The following PTX4 variants were observed in gnomAD, a reference collection of about 807,000 sequenced individuals.
PTX4 encodes pentraxin 4.
A neutral mutation model predicts 19.1 loss-of-function variants in PTX4; 23 were observed. The observed-to-expected ratio is 1.20, with a 90% confidence interval of 0.87 to 1.70. The LOEUF is 1.70. Among genes scored for constraint, PTX4 ranks in the 40% most tolerant of loss-of-function variants. The probability of loss-of-function intolerance (pLI) is 0.00; values close to 1 mark genes in which losing one functional copy is unlikely to be tolerated. For synonymous variants in PTX4, 317 were observed against 279.6 expected (o/e 1.13, Z -1.33); for missense variants, 678 against 610.5 (o/e 1.11, Z -1.17).
intron 1 of PTX4, 59 bp from the exon 2 acceptor site, chr16:1,488,029 G>T (rs149489539): frequency 0.012 from 18,296 of 1,494,268 alleles, 136 homozygotes; most frequent in Non-Finnish European, 0.015. Flanking sequence ...GGGCGGGACG[G>T]GAAAGGCTTT....
chr16:1,488,335 G>T, intron 1 of PTX4: 1 of 1,612,186 alleles, frequency 6.2e-7, no homozygotes, highest in South Asian at 1.1e-5. Context: ...GCCCAAACAG[G>T]AAGCACCCAG....
In PTX4 at chr16:1,487,444, G is replaced by T; in HGVS notation, c.668C>A (p.Pro223Gln). The stretch of plus-strand genomic sequence containing the variant: ...TTGGAGAGGGGCCGAGGAGTCCTGT[G>T]GGGGGCCCCTGTGCTCAGAGGCAGC... Reference protein sequence around the residue: ...LRAASEHRGPPQDSSAPLQGR... With the variant: ...LRAASEHRGPQQDSSAPLQGR... Residue 223 changes from proline to glutamine, a missense_variant, in exon 2 of 3, where the codon CCA (proline) becomes CAA (glutamine). Coordinates refer to ENST00000447419, the MANE Select transcript of PTX4 (RefSeq NM_001328608.2). The T allele has an allele frequency of 1.3e-6, 2 of 1,515,270 alleles. No homozygotes were observed. Among genetic ancestry groups the T allele is most frequent in the Non-Finnish European group, 1.8e-6 (2 of 1,134,140 alleles). 93.9% of individuals were successfully genotyped at this position (1,515,270 alleles called of 1,614,324 possible). A position where few individuals can be genotyped will look rare whatever the true frequency, so the allele number is the denominator to read the frequency against.
chr16:1,487,881 C>T lies in PTX4; in HGVS notation c.231G>A (p.Arg77=), dbSNP rs1346298997. The T allele has an allele frequency of 6.2e-7, 1 of 1,612,976 alleles. No homozygotes were observed. The change falls in exon 2 of 3, where the codon CGG becomes CGA. Residue 77 remains arginine (R), a synonymous_variant. Coordinates refer to ENST00000447419, the MANE Select transcript of PTX4 (RefSeq NM_001328608.2). ...CAGCCTGGCTCTCTTCCGCCAGGCT[C>T]CGGAACCGGACGTCAACGTTGTAGG... ...NVSYNVDVRF[R]SLAEESQAVA...
In PTX4 at chr16:1,487,947, G is replaced by C. The variant is rs2039265429; in HGVS notation, c.165C>G (p.Thr55=). ...TGGCGATGTTCTGCAGGTGTGTCCA[G>C]GTCACCTCCTGGAATCTCCGGAACT... The part of the protein sequence containing the change: ...EEQFRRFQEV[T]WTHLQNIASN... The change falls in exon 2 of 3, where the codon ACC becomes ACG. Residue 55 remains threonine, a synonymous_variant. Transcript: ENST00000447419. 1 of 1,593,876 alleles carries C rather than the reference G, an allele frequency of 6.3e-7. No homozygotes were observed. The highest frequency in any genetic ancestry group is 8.6e-7 in the Non-Finnish European group (1 of 1,167,210).
rs2039253795 is a variant in PTX4 at position 1,487,224 on chromosome 16, G to A, written c.796+92C>T. ...TCTCCCCATCTCCCGGCCCCTAACTGAACCTCTTTTGAGAAGCCTTTTCCA... is the reference window on the plus strand; with the variant it reads ...TCTCCCCATCTCCCGGCCCCTAACTAAACCTCTTTTGAGAAGCCTTTTCCA... On this transcript the variant is annotated intron_variant, in intron 2 of 2. Coordinates refer to ENST00000447419, the MANE Select transcript of PTX4 (RefSeq NM_001328608.2). 3 of 1,273,474 alleles carry A rather than the reference G, an allele frequency of 2.4e-6. No individual in the cohort carries two copies. In the East Asian group the frequency reaches 8.3e-5, roughly 35 times the overall value. The allele number at this position is 1,273,474 out of a possible 1,614,324, so 78.9% of individuals were successfully genotyped here. A position where few individuals can be genotyped will look rare whatever the true frequency, so the allele number is the denominator to read the frequency against.
Position 1,486,566 on chromosome 16 carries a change from G to C in PTX4, c.810C>G (p.Gly270=), listed in dbSNP as rs1694808616. The C allele has an allele frequency of 3.2e-6, 5 of 1,547,116 alleles. 1 individual carries two copies. The highest frequency in any genetic ancestry group is 4.0e-5 in the Admixed American group (2 of 49,796). ...AGGCGTTTGGGAAAACGAGGGTGGG[G>C]CCCACGCCGCAAACTAGAAACAGAG... The part of the protein sequence containing the change: ...PQVPGEICGV[G]PTLVFPNAST... Residue 270 remains glycine, a synonymous_variant, in exon 3 of 3, where the codon GGC becomes GGG. Coordinates refer to ENST00000447419, the MANE Select transcript of PTX4 (RefSeq NM_001328608.2).
chr16:1,488,894 T>C lies in PTX4; in HGVS notation c.16A>G (p.Arg6Gly). The change falls in exon 1 of 3, where the codon AGG becomes GGG. Residue 6 changes from arginine to glycine, a missense_variant. Transcript: ENST00000447419. MGCSW[R>G]KTLSFFLVFV... ...ACAAGGAAGAAAGACAAGGTCTTCC[T>C]CCACGAGCAACCCATCCGGAGAGAC... The C allele has an allele frequency of 1.4e-6, 1 of 700,020 alleles. No homozygotes were observed. The highest frequency in any genetic ancestry group is 2.6e-6 in the Non-Finnish European group (1 of 382,668). The allele number at this position is 700,020 out of a possible 1,614,324, so 43.4% of individuals were successfully genotyped here.
rs762750872 is a variant in PTX4 at position 1,487,313 on chromosome 16, T to TA, written c.796+2dup. On this transcript the variant is annotated splice_region_variant and intron_variant, in intron 2 of 2. Transcript: ENST00000447419. ...CCGTGAGCTGGGAGCCTGTGGTACT[T>TA]ACTCTCTCCTGGCACCTGGGGGGAC... 2 of 1,529,460 alleles carry TA rather than the reference T, an allele frequency of 1.3e-6. No homozygotes were observed. Among genetic ancestry groups the TA allele is most frequent in the Non-Finnish European group, 1.7e-6 (2 of 1,145,298 alleles). The allele number at this position is 1,529,460 out of a possible 1,614,324, so 94.7% of individuals were successfully genotyped here.
rs1030250733 is a variant in PTX4 at position 1,487,455 on chromosome 16, G to A, written c.657C>T (p.His219=). 3 of 1,509,756 alleles carry A rather than the reference G, an allele frequency of 2.0e-6. No individual in the cohort carries two copies. The highest frequency in any genetic ancestry group is 1.3e-5 in the South Asian group (1 of 74,662). The allele number at this position is 1,509,756 out of a possible 1,614,324, so 93.5% of individuals were successfully genotyped here. ...CCGAGGAGTCCTGTGGGGGGCCCCT[G>A]TGCTCAGAGGCAGCTCGGAGCTCCT... The part of the protein sequence containing the change: ...DRQELRAASE[H]RGPPQDSSAP... Residue 219 remains histidine (H), a synonymous_variant, in exon 2 of 3, where the codon CAC becomes CAT. Coordinates refer to ENST00000447419, the MANE Select transcript of PTX4 (RefSeq NM_001328608.2).
chr16:1,487,951 A>C lies in PTX4; in HGVS notation c.161T>G (p.Val54Gly). Reference sequence around the variant, plus strand: ...GATGTTCTGCAGGTGTGTCCAGGTCACCTCCTGGAATCTCCGGAACTGTAA... The same window carrying C: ...GATGTTCTGCAGGTGTGTCCAGGTCCCCTCCTGGAATCTCCGGAACTGTAA... Reference protein sequence around the residue: ...LEEQFRRFQEVTWTHLQNIAS... With the variant: ...LEEQFRRFQEGTWTHLQNIAS... Residue 54 changes from valine to glycine, a missense_variant, in exon 2 of 3, where the codon GTG (valine) becomes GGG (glycine). Physicochemically the swap from Val to Gly is moderately radical, Grantham distance 109. Transcript: ENST00000447419. 6.3e-7 allele frequency: 1 copy of C among 1,584,248 alleles called. No homozygotes were observed. The highest frequency in any genetic ancestry group is 1.1e-5 in the South Asian group (1 of 87,940).
At position 1,486,316 on chromosome 16, in the gene PTX4, G is replaced by A; in HGVS notation, c.1060C>T (p.Leu354=). The change falls in exon 3 of 3, where the codon CTG becomes TTG. Residue 354 remains leucine, a synonymous_variant. Coordinates refer to ENST00000447419, the MANE Select transcript of PTX4 (RefSeq NM_001328608.2). ...TGGTGCCACTGGCCGTCCAGCAGCAGCTGCAAGGGCAGCTCCCTGAAGGCC... is the reference window on the plus strand; with the variant it reads ...TGGTGCCACTGGCCGTCCAGCAGCAACTGCAAGGGCAGCTCCCTGAAGGCC... ...DPAFRELPLQ[L]LLDGQWHHIC... 6.8e-6 allele frequency: 11 copies of A among 1,613,758 alleles called. No homozygotes were observed. The highest frequency in any genetic ancestry group is 9.3e-6 in the Non-Finnish European group (11 of 1,179,982).
chr16:1,487,516 A>G lies in PTX4; in HGVS notation c.596T>C (p.Leu199Pro). ...CTGAAGCTTCAGGGAGGTCGGGCCC[A>G]GCTCCTCAGGCTGGGTTGGGGTTGG... ...LVPTPTQPEE[L>P]GPTSLKLQRD... Residue 199 changes from leucine (L) to proline (P), a missense_variant, in exon 2 of 3, where the codon CTG becomes CCG. Physicochemically the swap from Leu to Pro is moderately conservative, Grantham distance 98. Coordinates refer to ENST00000447419, the MANE Select transcript of PTX4 (RefSeq NM_001328608.2). The G allele has an allele frequency of 1.3e-6, 2 of 1,512,468 alleles. No homozygotes were observed. The highest frequency in any genetic ancestry group is 1.8e-6 in the Non-Finnish European group (2 of 1,131,832). The allele number at this position is 1,512,468 out of a possible 1,614,324, so 93.7% of individuals were successfully genotyped here. A position where few individuals can be genotyped will look rare whatever the true frequency, so the allele number is the denominator to read the frequency against.
rs1404030787 is a variant in PTX4, at chr16:1,486,186, G to C, written c.1190C>G (p.Pro397Arg). 1 of 1,613,868 alleles carries C rather than the reference G, an allele frequency of 6.2e-7. No homozygotes were observed. Among genetic ancestry groups the C allele is most frequent in the Non-Finnish European group, 8.5e-7 (1 of 1,179,946 alleles). Residue 397 changes from proline (P) to arginine (R), a missense_variant, in exon 3 of 3, where the codon CCC (proline) becomes CGC (arginine). Coordinates refer to ENST00000447419, the MANE Select transcript of PTX4 (RefSeq NM_001328608.2). The stretch of plus-strand genomic sequence containing the variant: ...CTGGCCCAGCACGAGGGACCCTCCG[G>C]GGGGGATCTCATAGCCCTCCCTGAA... ...SRFREGYEIP[P>R]GGSLVLGQEQ...
Position 1,487,663 on chromosome 16 carries a change from A to T in PTX4, c.449T>A (p.Leu150Gln). The change falls in exon 2 of 3, where the codon CTG becomes CAG. Residue 150 changes from leucine (L) to glutamine (Q), a missense_variant. Transcript: ENST00000447419. ...CTCCAGGCGTGCCAGTGAGTCCTGC[A>T]GGGCGTCCCTCTGGGCCTTGTGTGC... The part of the protein sequence containing the change: ...RKAHKAQRDA[L>Q]QDSLARLEGL... 6.2e-7 allele frequency: 1 copy of T among 1,600,676 alleles called. No homozygotes were observed. The highest frequency in any genetic ancestry group is 8.5e-7 in the Non-Finnish European group (1 of 1,171,552).
At position 1,487,346 on chromosome 16, in the gene PTX4, G is replaced by A. The variant is rs143248376; in HGVS notation, c.766C>T (p.Gln256Ter). 18 of 1,553,564 alleles carry A rather than the reference G, an allele frequency of 1.2e-5. No individual in the cohort carries two copies. Among genetic ancestry groups the A allele is most frequent in the Admixed American group, 4.1e-5 (2 of 48,372 alleles). Residue 256 changes from glutamine to a stop codon, truncating the protein, a stop_gained, in exon 2 of 3, where the codon CAG becomes TAG. Transcript: ENST00000447419. LOFTEE classifies it low-confidence loss of function (END_TRUNC). ...SGTAPKDPRQ[Q>*]AWSPQVPGEI... Reference sequence around the variant, plus strand: ...CCTGGCACCTGGGGGGACCATGCCTGCTGCCGAGGGTCTTTTGGGGCAGTC... The same window carrying A: ...CCTGGCACCTGGGGGGACCATGCCTACTGCCGAGGGTCTTTTGGGGCAGTC...
intron 1 of PTX4, 88 bp from the exon 2 acceptor site, chr16:1,488,058 C>T (rs929193652): frequency 2.9e-6 from 4 of 1,376,994 alleles, no homozygotes; most frequent in South Asian, 2.8e-5. Context: ...AAGTTGGGAG[C>T]AGCGGCCGCG....
Position 1,487,867 on chromosome 16 carries a change from T to C in PTX4, c.245A>G (p.Glu82Gly). 6.2e-7 allele frequency: 1 copy of C among 1,613,026 alleles called. No homozygotes were observed. Among genetic ancestry groups the C allele is most frequent in the Non-Finnish European group, 8.5e-7 (1 of 1,179,878 alleles). Residue 82 changes from glutamate to glycine, a missense_variant, in exon 2 of 3, where the codon GAG (glutamate) becomes GGG (glycine). Glu to Gly is a moderately conservative substitution (Grantham distance 98, BLOSUM62 -2). Transcript: ENST00000447419. ...VDVRFRSLAE[E>G]SQAVAQAVNR... ...GACTGCCTGAGCCACAGCCTGGCTC[T>C]CTTCCGCCAGGCTCCGGAACCGGAC...
intron 2 of PTX4, among the ~76,000 whole-genome samples, chr16:1,486,833 C>T (rs1269997446): frequency 1.3e-5 from 2 of 152,204 alleles, no homozygotes; most frequent in Non-Finnish European, 2.9e-5. Flanking sequence ...GCTAGGAGCC[C>T]TAGCTGTCGG....
chr16:1,487,174 C>T (rs1338778053), intron 2 of PTX4, 142 bp downstream of exon 2: 3 of 768,966 alleles, frequency 3.9e-6, no homozygotes, highest in Non-Finnish European at 5.6e-6. Flanking sequence ...GACGGTGGGC[C>T]ACCCCCCCCG....
Sources: gnomAD v4.1 joint callset for allele counts (sites outside exome capture counted in the v4.1 genomes callset) on GRCh38, gnomAD v4.1.1 for gene constraint, MANE v1.5 for transcripts, NCBI Gene and HGNC (gene_info 2026-07-23, HGNC 2026-07-21) for gene names.